The following KMT2C variants were observed in gnomAD, a reference collection of about 807,000 sequenced individuals.
The protein encoded by KMT2C is lysine methyltransferase 2C.
KMT2C carries 88 observed loss-of-function variants against 507.9 expected under a neutral mutation model. The observed-to-expected ratio is 0.17, with a 90% confidence interval of 0.15 to 0.21. The LOEUF (loss-of-function observed/expected upper bound fraction) is 0.21. Among genes scored for constraint, KMT2C ranks in the 10% least tolerant of loss-of-function variants. KMT2C has a pLI of 1.00. For synonymous variants in KMT2C, 2,049 were observed against 2,080.8 expected (o/e 0.98, Z 0.42); for missense variants, 4,954 against 5,957.8 (o/e 0.83, Z 5.55).
chr7:152,335,825 G>A (rs1288121004), intron 2 of KMT2C, among the ~76,000 whole-genome samples: 2 of 152,128 alleles, frequency 1.3e-5, no homozygotes, highest in African/African-American at 2.4e-5. Context: ...GTTACTGGTT[G>A]GCCAGTAGGT....
In KMT2C at chr7:152,177,614, C is replaced by A. The variant is rs192344570; in HGVS notation, c.7839G>T (p.Gln2613His). ...RHTDPMRRPPQGLPNQLPVHP... is the reference protein window; with the variant it reads ...RHTDPMRRPPHGLPNQLPVHP... ...GCACAGGTAGCTGATTAGGTAGACCCTGGGGAGGTCGTCGCATGGGGTCTG... is the reference window on the plus strand; with the variant it reads ...GCACAGGTAGCTGATTAGGTAGACCATGGGGAGGTCGTCGCATGGGGTCTG... Residue 2613 changes from glutamine to histidine, a missense_variant, in exon 38 of 59, where the codon CAG becomes CAT. By Grantham distance (24) the Gln-to-His change is conservative (BLOSUM62 0). Transcript: ENST00000262189. 6.2e-7 allele frequency: 1 copy of A among 1,614,042 alleles called. No homozygotes were observed. Among genetic ancestry groups the A allele is most frequent in the East Asian group, 2.2e-5 (1 of 44,876 alleles).
intron 26 of KMT2C, among the ~76,000 whole-genome samples, chr7:152,202,198 G>T (rs2094164529): frequency 6.6e-6 from 1 of 152,162 alleles, no homozygotes. Flanking sequence ...ATGATAGTCT[G>T]TTCCAGTTCA....
chr7:152,366,913 C>G (rs1370961473), intron 1 of KMT2C: 1 of 440,218 alleles, frequency 2.3e-6, no homozygotes, highest in Non-Finnish European at 4.1e-6. Flanking sequence ...GCGCTGCGAG[C>G]CAACGGGCCG....
At chr7:152,239,578 T>A (rs2095346533) in intron 14 of KMT2C, among the ~76,000 whole-genome samples, 1 of 152,202 alleles carries the variant, frequency 6.6e-6, no homozygotes. Flanking sequence ...TAGAAAGTAG[T>A]ATCTTATTAA....
At chr7:152,351,971 T>C (rs942912316) in intron 2 of KMT2C, among the ~76,000 whole-genome samples, 2 of 151,948 alleles carry the variant, frequency 1.3e-5, no homozygotes, top group African/African-American at 4.9e-5. Context: ...AACAGCAATG[T>C]TCAGGGAACA....
At chr7:152,150,054 G>C (rs1038215884) in intron 51 of KMT2C, among the ~76,000 whole-genome samples, 1 of 152,180 alleles carries the variant, frequency 6.6e-6, no homozygotes, top group African/African-American at 2.4e-5. Flanking sequence ...GTTCTTCTGT[G>C]AAAGACATAC....
At chr7:152,307,261 G>GAAA (rs1310574384) in intron 6 of KMT2C, among the ~76,000 whole-genome samples, 2 of 122,580 alleles carry the variant, frequency 1.6e-5, no homozygotes, top group African/African-American at 7.8e-5. Context: ...ACGGTAGGAA[G>GAAA]GAAGGAAGGA....
intron 15 of KMT2C, among the ~76,000 whole-genome samples, chr7:152,237,274 A>G (rs1404003192): frequency 6.6e-6 from 1 of 152,294 alleles, no homozygotes; most frequent in African/African-American, 2.4e-5. Context: ...TTCCAAGTCA[A>G]AAATTTATGG....
intron 1 of KMT2C, among the ~76,000 whole-genome samples, chr7:152,379,061 T>C (rs1299452235): frequency 6.6e-6 from 1 of 152,148 alleles, no homozygotes; most frequent in Admixed American, 6.5e-5. Flanking sequence ...AGTCCATACA[T>C]GGCCTCCCTC....
In KMT2C at chr7:152,162,872, G is replaced by A. The variant is rs181636987; in HGVS notation, c.10705C>T (p.Pro3569Ser). 1 of 1,614,176 alleles carries A rather than the reference G, an allele frequency of 6.2e-7. No homozygotes were observed. The highest frequency in any genetic ancestry group is 8.5e-7 in the Non-Finnish European group (1 of 1,180,030). ...GTTATAGTAGAATCTTGGCCACATGGGAGACTGCTATTAGCTACTGGAGGT... is the reference window on the plus strand; with the variant it reads ...GTTATAGTAGAATCTTGGCCACATGAGAGACTGCTATTAGCTACTGGAGGT... ...AAPPVANSSL[P>S]CGQDSTITHG... Residue 3569 changes from proline to serine, a missense_variant, in exon 43 of 59, where the codon CCA (proline) becomes TCA (serine). Pro to Ser is a moderately conservative substitution (Grantham distance 74). Around this residue, in one of 29 missense-constraint regions of KMT2C, gnomAD observed 801 missense variants for 751.2 expected, o/e 1.07. Transcript: ENST00000262189.
At position 152,162,233 on chromosome 7, in the gene KMT2C, T is replaced by C; in HGVS notation, c.11344A>G (p.Lys3782Glu). ...SGNELLKHLLKNKKSSSLLNQ... is the reference protein window; with the variant it reads ...SGNELLKHLLENKKSSSLLNQ... ...AAAAGAGAAGATGACTTTTTATTTT[T>C]CAACAAGTGTTTCAGAAGTTCATTC... The change falls in exon 43 of 59, where the codon AAA (lysine) becomes GAA (glutamate). Residue 3782 changes from lysine to glutamate, a missense_variant. Lys to Glu is a moderately conservative substitution (Grantham distance 56, BLOSUM62 1). This residue lies in a region of KMT2C where 801 missense variants were observed against 751.2 expected (regional missense o/e 1.07). Coordinates refer to ENST00000262189, the MANE Select transcript of KMT2C (RefSeq NM_170606.3). The C allele has an allele frequency of 6.2e-7, 1 of 1,614,156 alleles. No individual in the cohort carries two copies.
chr7:152,255,143 A>C (rs1412178416), intron 9 of KMT2C, among the ~76,000 whole-genome samples: 1 of 122,600 alleles, frequency 8.2e-6, no homozygotes, highest in Non-Finnish European at 1.7e-5. Flanking sequence ...ATATATATAT[A>C]TACATATATA....
At position 152,368,529 on chromosome 7, in the gene KMT2C, G is replaced by T. The variant is rs2097265925; in HGVS notation, c.162-9854C>A. 15 of 1,356,270 alleles carry T rather than the reference G, an allele frequency of 1.1e-5. No individual in the cohort carries two copies. The South Asian group carries it at 1.7e-4, about 16-fold the overall frequency. 84.0% of individuals were successfully genotyped at this position (1,356,270 alleles called of 1,614,324 possible). ...TAATGAAAAAGAATTTGGAAGCACA[G>T]CACAAAGAATTAGAGGAAAAACGTC... On this transcript the variant is annotated intron_variant, in intron 1 of 58. Transcript: ENST00000262189.
intron 42 of KMT2C, 101 bp downstream of exon 42, chr7:152,167,045 A>T: frequency 1.1e-6 from 1 of 896,912 alleles, no homozygotes; most frequent in East Asian, 2.5e-5. Flanking sequence ...ATTTAATACT[A>T]GTCAAAAAAA....
intron 18 of KMT2C, among the ~76,000 whole-genome samples, chr7:152,229,391 T>G (rs943660845): frequency 6.6e-6 from 1 of 152,152 alleles, no homozygotes; most frequent in African/African-American, 2.4e-5. Context: ...ACGATACCAC[T>G]TAAAAGGTTC....
chr7:152,234,340 C>A (rs188764059), intron 16 of KMT2C, among the ~76,000 whole-genome samples: 18 of 151,994 alleles, frequency 1.2e-4, no homozygotes, highest in Admixed American at 5.2e-4. Context: ...TGAGATTGTG[C>A]CATTGCACTC....
intron 6 of KMT2C, among the ~76,000 whole-genome samples, chr7:152,300,459 T>C (rs2096556250): frequency 6.6e-6 from 1 of 152,212 alleles, no homozygotes; most frequent in Non-Finnish European, 1.5e-5. Flanking sequence ...CTGTGTTTCT[T>C]GGGCAGTCAC....
chr7:152,393,379 A>G (rs747180378), intron 1 of KMT2C, among the ~76,000 whole-genome samples: 5 of 152,216 alleles, frequency 3.3e-5, no homozygotes, highest in Non-Finnish European at 7.3e-5. Context: ...ACAAATACTT[A>G]CTTTCTTAGC....
intron 1 of KMT2C, among the ~76,000 whole-genome samples, chr7:152,419,181 C>T (rs1056640874): frequency 1.3e-5 from 2 of 151,984 alleles, no homozygotes; most frequent in Non-Finnish European, 2.9e-5. Flanking sequence ...GGAAGCCCAT[C>T]TCTACTAAAA....
Sources: allele counts gnomAD v4.1 joint callset (sites outside exome capture counted in the v4.1 genomes callset), GRCh38; gene constraint gnomAD v4.1.1; regional missense constraint gnomAD v4.1.1; transcripts MANE v1.5; gene names NCBI Gene and HGNC (gene_info 2026-07-23, HGNC 2026-07-21).